ANK2: variants seen among roughly 807,000 people sequenced by gnomAD.
ANK2 encodes the protein ankyrin 2.
Under a neutral mutation model 360.5 loss-of-function variants are expected in ANK2, and 83 were observed. The ratio of observed to expected loss-of-function variants is 0.23; its 90% confidence interval spans 0.19 to 0.28. The LOEUF (loss-of-function observed/expected upper bound fraction) is 0.28, where lower values mean the gene tolerates loss of function less well. Ranked by LOEUF, ANK2 falls within the 10% of genes least tolerant of loss-of-function variation. The probability of loss-of-function intolerance (pLI) is 1.00; values close to 1 mark genes in which losing one functional copy is unlikely to be tolerated. For synonymous variants in ANK2, 1,740 were observed against 1,759.5 expected (o/e 0.99, Z 0.28); for missense variants, 4,201 against 4,795.7 (o/e 0.88, Z 3.66).
At chr4:112,724,137 T>C in the ANK2 span, among the ~76,000 whole-genome samples, 1 of 151,292 alleles carries the variant, frequency 6.6e-6, no homozygotes, top group Non-Finnish European at 1.5e-5. Context: ...CGATCTCAGC[T>C]TACTGCAGCC....
chr4:112,949,815 A>G (rs1385184930), intron 2 of ANK2, among the ~76,000 whole-genome samples: 1 of 152,236 alleles, frequency 6.6e-6, no homozygotes, highest in Non-Finnish European at 1.5e-5. Context: ...TAACAATTAA[A>G]AAGTTTCACA....
intron 37 of ANK2, among the ~76,000 whole-genome samples, chr4:113,352,623 CTTA>C (rs914809964): frequency 6.6e-6 from 1 of 151,208 alleles, no homozygotes; most frequent in African/African-American, 2.4e-5. Context: ...TGCTTTTTTT[CTTA>C]TTTTTTCCTC....
At chr4:112,951,006 C>T (rs960456559) in intron 2 of ANK2, among the ~76,000 whole-genome samples, 4 of 133,980 alleles carry the variant, frequency 3.0e-5, no homozygotes, top group African/African-American at 8.5e-5. Flanking sequence ...GGCGTGAACC[C>T]GGGAGGCGGA....
At chr4:113,145,566 C>G (rs1254089332) in intron 1 of ANK2, 1 of 1,016,946 alleles carries the variant, frequency 9.8e-7, no homozygotes, top group Non-Finnish European at 1.2e-6. Flanking sequence ...CTCTGTCTGC[C>G]TCACCCCCCT....
the ANK2 span, among the ~76,000 whole-genome samples, chr4:112,711,966 T>C: frequency 6.6e-6 from 1 of 150,806 alleles, no homozygotes; most frequent in Non-Finnish European, 1.5e-5. Context: ...AGCAAGCCTG[T>C]GCCACTGCAC....
chr4:112,814,165 C>A (rs1449025141), upstream of ANK2, among the ~76,000 whole-genome samples: 1 of 152,174 alleles, frequency 6.6e-6, no homozygotes, highest in Non-Finnish European at 1.5e-5. Flanking sequence ...ATATATCTTG[C>A]CTAAACACTA....
chr4:113,351,731 A>C (rs2095427895), intron 37 of ANK2, among the ~76,000 whole-genome samples: 1 of 152,214 alleles, frequency 6.6e-6, no homozygotes, highest in Admixed American at 6.5e-5. Context: ...AAAAAAAGAA[A>C]AAAAAATGTT....
chr4:112,962,868 G>A (rs1297614886), intron 2 of ANK2, among the ~76,000 whole-genome samples: 2 of 152,110 alleles, frequency 1.3e-5, no homozygotes, highest in Non-Finnish European at 2.9e-5. Flanking sequence ...GAGCCATTCA[G>A]CTGTATAAGG....
Position 112,826,662 on chromosome 4 carries a change from C to T in ANK2, c.-40+8398C>T, listed in dbSNP as rs2058471859. 7 of 953,332 alleles carry T rather than the reference C, an allele frequency of 7.3e-6. No individual in the cohort carries two copies. In the East Asian group the frequency reaches 1.7e-4, roughly 23 times the overall value. The allele number at this position is 953,332 out of a possible 1,614,324, so 59.1% of individuals were successfully genotyped here. On this transcript the variant is annotated intron_variant, in intron 1 of 30. Transcript: ENST00000503271. The stretch of plus-strand genomic sequence containing the variant: ...TGAAAAACGGGTGACCACACTTACA[C>T]ATTCCTCAGCATTGACCATTCAGAA...
the ANK2 span, among the ~76,000 whole-genome samples, chr4:112,716,998 CT>C: frequency 6.6e-6 from 1 of 152,106 alleles, no homozygotes; most frequent in East Asian, 1.9e-4. Flanking sequence ...TTTATTTTTC[CT>C]TTTAATGAAA....
chr4:113,358,831 G>C lies in ANK2; in HGVS notation c.10213G>C (p.Val3405Leu), dbSNP rs1381965565. Residue 3405 changes from valine to leucine, a missense_variant, in exon 38 of 46, where the codon GTA (valine) becomes CTA (leucine). Physicochemically the swap from Val to Leu is conservative, Grantham distance 32. Around this residue, in one of 4 missense-constraint regions of ANK2, gnomAD observed 2,642 missense variants for 2,714.5 expected, o/e 0.97. Transcript: ENST00000357077. ...TTTGGATTCAAAGACCAAATGCCCA[G>C]TAAAAACCCGAAGTTACACTGAGAC... ...SSLDSKTKCPVKTRSYTETET... is the reference protein window; with the variant it reads ...SSLDSKTKCPLKTRSYTETET... 6.2e-7 allele frequency: 1 copy of C among 1,614,076 alleles called. No individual in the cohort carries two copies. Among genetic ancestry groups the C allele is most frequent in the South Asian group, 1.1e-5 (1 of 91,084 alleles).
At chr4:112,959,215 T>C (rs986972855) in intron 2 of ANK2, among the ~76,000 whole-genome samples, 1 of 152,124 alleles carries the variant, frequency 6.6e-6, no homozygotes, top group African/African-American at 2.4e-5. Context: ...AGTGTACTCA[T>C]CACTGGAATA....
Position 113,132,749 on chromosome 4 carries a change from T to C in ANK2, c.85-41667T>C, listed in dbSNP as rs538551253. On this transcript the variant is annotated intron_variant, in intron 1 of 45. Coordinates refer to ENST00000357077, the MANE Select transcript of ANK2 (RefSeq NM_001148.6). ...TCCACAATGTAGGAAATAGTCAACA[T>C]TGGGGTTCTCACTCCAGCAGGGGGA... Among the ~76,000 whole-genome samples the C allele has an allele frequency of 9.9e-5, 15 of 152,196 alleles. No individual in the cohort carries two copies. In the South Asian group the frequency reaches 2.5e-3, roughly 25 times the overall value.
chr4:113,077,655 G>A (rs1245209244), intron 1 of ANK2, among the ~76,000 whole-genome samples: 1 of 152,196 alleles, frequency 6.6e-6, no homozygotes, highest in East Asian at 1.9e-4. Flanking sequence ...GTTTCCCTGT[G>A]CATATCTGCC....
chr4:113,112,728 G>A (rs2094426760), intron 1 of ANK2, among the ~76,000 whole-genome samples: 1 of 152,146 alleles, frequency 6.6e-6, no homozygotes, highest in Non-Finnish European at 1.5e-5. Flanking sequence ...GAAGTGTTAT[G>A]AGCTTGAGAG....
intron 17 of ANK2, among the ~76,000 whole-genome samples, chr4:113,279,643 TA>T (rs1314298425): frequency 6.7e-6 from 1 of 148,838 alleles, no homozygotes; most frequent in East Asian, 1.9e-4. Context: ...ATATTATAAA[TA>T]AAAAATAGGA....
intron 1 of ANK2, among the ~76,000 whole-genome samples, chr4:112,825,357 A>C (rs986963633): frequency 1.3e-5 from 2 of 152,204 alleles, no homozygotes; most frequent in African/African-American, 4.8e-5. Flanking sequence ...ATTTAAAAAA[A>C]GAAAGAAAAA....
intron 1 of ANK2, among the ~76,000 whole-genome samples, chr4:113,068,535 T>C (rs2076396407): frequency 6.6e-6 from 1 of 152,176 alleles, no homozygotes; most frequent in African/African-American, 2.4e-5. Flanking sequence ...TAGAAAATTG[T>C]ACAGCGAAGC....
chr4:113,279,731 T>A (rs1355813969), intron 17 of ANK2, among the ~76,000 whole-genome samples: 1 of 149,258 alleles, frequency 6.7e-6, no homozygotes, highest in Non-Finnish European at 1.5e-5. Context: ...TATATAACTT[T>A]GTACACATAC....
Sources: allele counts gnomAD v4.1 joint callset (sites outside exome capture counted in the v4.1 genomes callset), GRCh38; gene constraint gnomAD v4.1.1; regional missense constraint gnomAD v4.1.1; transcripts MANE v1.5; gene names NCBI Gene and HGNC (gene_info 2026-07-23, HGNC 2026-07-21).